Variants in ASTN2 observed in about 807,000 individuals in gnomAD.
The protein encoded by ASTN2 is astrotactin-2.
In ASTN2, 54 loss-of-function variants were observed where a neutral mutation model predicts 139.8. That is an observed-to-expected ratio of 0.39 (90% CI 0.31 to 0.48). ASTN2 has a LOEUF of 0.48. Ranked by LOEUF, ASTN2 falls within the 20% of genes least tolerant of loss-of-function variation. The pLI, the probability that ASTN2 is intolerant of heterozygous loss-of-function variation, is 0.95. For synonymous variants in ASTN2, 756 were observed against 719.5 expected (o/e 1.05, Z -0.81); for missense variants, 1,565 against 1,725.1 (o/e 0.91, Z 1.64).
chr9:117,328,010 G>A (rs1205311963), intron 1 of ASTN2, among the ~76,000 whole-genome samples: 1 of 152,228 alleles, frequency 6.6e-6, no homozygotes, highest in East Asian at 1.9e-4. Context: ...ACCGAGCTTG[G>A]GAAATTTCAG....
intron 10 of ASTN2, among the ~76,000 whole-genome samples, chr9:116,945,070 T>C (rs1564353642): frequency 6.6e-6 from 1 of 152,166 alleles, no homozygotes; most frequent in Admixed American, 6.5e-5. Flanking sequence ...TATCTCAAAA[T>C]GACTCCGTTC....
At chr9:117,198,464 A>T (rs7043484) in intron 3 of ASTN2, among the ~76,000 whole-genome samples, 88,682 of 151,884 alleles carry the variant, frequency 0.58, 26,380 homozygotes, top group Middle Eastern at 0.69. Context: ...CAGAATGTGC[A>T]GGTTTGTTAC....
intron 19 of ASTN2, among the ~76,000 whole-genome samples, chr9:116,566,735 C>T (rs541353852): frequency 9.2e-5 from 14 of 152,166 alleles, no homozygotes; most frequent in East Asian, 3.9e-4. Flanking sequence ...TCCTAGCCAA[C>T]GACTGGGCAT....
chr9:117,168,299 G>T (rs1830714478), intron 3 of ASTN2, among the ~76,000 whole-genome samples: 1 of 152,132 alleles, frequency 6.6e-6, no homozygotes, highest in Non-Finnish European at 1.5e-5. Flanking sequence ...AAAATGCTGT[G>T]CATGTTAAAT....
chr9:116,497,377 C>T (rs967224042), intron 19 of ASTN2, among the ~76,000 whole-genome samples: 4 of 152,268 alleles, frequency 2.6e-5, no homozygotes, highest in East Asian at 1.9e-4. Flanking sequence ...ACCCTCTAGG[C>T]GCCAGGGAAA....
chr9:116,818,175 T>G (rs776919662), intron 12 of ASTN2, among the ~76,000 whole-genome samples: 9 of 152,236 alleles, frequency 5.9e-5, no homozygotes, highest in Non-Finnish European at 1.2e-4. Context: ...AGAAAGTCAT[T>G]AGTAAATGTT....
intron 16 of ASTN2, among the ~76,000 whole-genome samples, chr9:116,701,970 C>G (rs957752366): frequency 1.0e-4 from 15 of 147,838 alleles, no homozygotes; most frequent in African/African-American, 3.7e-4. Context: ...TAAAATAGAT[C>G]AAAGAGCAGC....
rs1015101661 is a variant in ASTN2, at chr9:116,570,424, G to A, written c.3355+47900C>T. Among the ~76,000 whole-genome samples the A allele has an allele frequency of 7.3e-5, 11 of 151,424 alleles. No homozygotes were observed. In the East Asian group the frequency reaches 7.8e-4, roughly 11 times the overall value. Reference sequence around the variant, plus strand: ...TTTTTTTTGAGACAGAATCTCACTCGGTCGCCCCGGCTCCAGGCTGGAGTG... The same window carrying A: ...TTTTTTTTGAGACAGAATCTCACTCAGTCGCCCCGGCTCCAGGCTGGAGTG... On this transcript the variant is annotated intron_variant, in intron 19 of 22. Transcript: ENST00000313400.
intron 19 of ASTN2, among the ~76,000 whole-genome samples, chr9:116,556,463 T>A (rs1329054061): frequency 6.6e-6 from 1 of 152,122 alleles, no homozygotes; most frequent in Non-Finnish European, 1.5e-5. Flanking sequence ...CCACTTAATT[T>A]TTCGTAAATA....
chr9:117,374,022 G>A (rs1830056156), intron 1 of ASTN2, among the ~76,000 whole-genome samples: 1 of 152,050 alleles, frequency 6.6e-6, no homozygotes, highest in African/African-American at 2.4e-5. Context: ...AGACAGAAGG[G>A]GAAAAATACA....
chr9:117,244,053 G>A (rs1233875867), intron 2 of ASTN2, among the ~76,000 whole-genome samples: 3 of 152,050 alleles, frequency 2.0e-5, no homozygotes, highest in Admixed American at 6.5e-5. Context: ...GAGTTCTCAT[G>A]AGATATGATG....
chr9:116,664,429 ATATATATGTATATG>A (rs1379000069), intron 16 of ASTN2, among the ~76,000 whole-genome samples: 1 of 148,070 alleles, frequency 6.8e-6, no homozygotes, highest in Non-Finnish European at 1.5e-5. Flanking sequence ...TATATAATAT[ATATATATGTATATG>A]TATATATGTA....
intron 11 of ASTN2, among the ~76,000 whole-genome samples, chr9:116,827,460 A>AT (rs1203264341): frequency 6.6e-6 from 1 of 152,092 alleles, no homozygotes; most frequent in East Asian, 1.9e-4. Context: ...TGAAAAAATA[A>AT]TTTTTTGAAA....
At chr9:117,054,426 C>T (rs1225723372) in intron 5 of ASTN2, among the ~76,000 whole-genome samples, 1 of 152,080 alleles carries the variant, frequency 6.6e-6, no homozygotes, top group African/African-American at 2.4e-5. Flanking sequence ...TATTAAGGAC[C>T]CACTCTGCTG....
Position 117,353,940 on chromosome 9 carries a change from G to T in ASTN2, c.442+60557C>A, listed in dbSNP as rs138009377. On this transcript the variant is annotated intron_variant, in intron 1 of 22. Coordinates refer to ENST00000313400, the MANE Select transcript of ASTN2 (RefSeq NM_001365068.1). ...AGGCAGAGCACAGAGGATTTTTAGG[G>T]CAGCGGAACCATTCTGTATGAATAA... 4.3e-3 allele frequency among the ~76,000 whole-genome samples: 652 copies of T among 152,260 alleles called. 2 individuals are homozygous for T. The highest frequency in any genetic ancestry group is 0.028 in the South Asian group (135 of 4,826).
At chr9:116,493,939 C>A (rs1849596947) in intron 19 of ASTN2, among the ~76,000 whole-genome samples, 1 of 152,104 alleles carries the variant, frequency 6.6e-6, no homozygotes, top group African/African-American at 2.4e-5. Context: ...CCTGCAGATG[C>A]TCTTTGTCAT....
chr9:116,853,112 T>C (rs1832654214), intron 11 of ASTN2, among the ~76,000 whole-genome samples: 1 of 152,178 alleles, frequency 6.6e-6, no homozygotes, highest in African/African-American at 2.4e-5. Flanking sequence ...AGGGAAGAAG[T>C]GTATGGAAGG....
chr9:117,399,262 TG>T (rs1830759119), intron 1 of ASTN2, among the ~76,000 whole-genome samples: 2 of 152,130 alleles, frequency 1.3e-5, no homozygotes, highest in Admixed American at 1.3e-4. Context: ...ACGAAATGCT[TG>T]GGAAATAACT....
intron 19 of ASTN2, among the ~76,000 whole-genome samples, chr9:116,591,217 T>C (rs1479859051): frequency 6.6e-6 from 1 of 152,144 alleles, no homozygotes; most frequent in African/African-American, 2.4e-5. Flanking sequence ...GGGGCTCTGG[T>C]ATCTCCAAGC....
Sources: gnomAD v4.1 joint callset for allele counts (sites outside exome capture counted in the v4.1 genomes callset) on GRCh38, gnomAD v4.1.1 for gene constraint, MANE v1.5 for transcripts, NCBI Gene and HGNC (gene_info 2026-07-23, HGNC 2026-07-21) for gene names.